The following RNF213 variants were observed in gnomAD, a reference collection of about 807,000 sequenced individuals.
The protein encoded by RNF213 is ring finger protein 213, also known as E3 ubiquitin-protein ligase RNF213.
A neutral mutation model predicts 514.4 loss-of-function variants in RNF213; 341 were observed. The ratio of observed to expected loss-of-function variants is 0.66; its 90% CI spans 0.61 to 0.73. RNF213 has a LOEUF of 0.73. Among genes scored for constraint, RNF213 ranks in the 30% least tolerant of loss-of-function variants. RNF213 has a pLI of 0.00. For missense variants in RNF213, 5,767 were observed against 6,615.6 expected (o/e 0.87, Z 4.45); for synonymous variants, 2,655 against 2,658.2 (o/e 1.00, Z 0.04).
intron 32 of RNF213, 69 bp from the exon 33 acceptor site, chr17:80,352,871 C>T: frequency 6.2e-7 from 1 of 1,610,018 alleles, no homozygotes; most frequent in Non-Finnish European, 8.5e-7. Context: ...TGTGCAATGT[C>T]CCTGCTTAGG....
rs1002998591 is a variant in RNF213 at position 80,338,008 on chromosome 17, A to G, written c.4833+11A>G. 3 of 1,537,280 alleles carry G rather than the reference A, an allele frequency of 2.0e-6. No individual in the cohort carries two copies. The highest frequency in any genetic ancestry group is 2.6e-6 in the Non-Finnish European group (3 of 1,146,916). On this transcript the variant is annotated intron_variant, in intron 25 of 67. Coordinates refer to ENST00000582970, the MANE Select transcript of RNF213 (RefSeq NM_001256071.3). ...GAGAGGTTTTCAGAGGTGAGGGCGC[A>G]TCTTTGCAGTGGCGCTAAGCTGGTG...
rs758812497 is a variant in RNF213 at position 80,346,802 on chromosome 17, C to A, written c.8467C>A (p.Arg2823=). Residue 2823 remains arginine (R), a synonymous_variant, in exon 29 of 68, where the codon CGG becomes AGG. Transcript: ENST00000582970. The surrounding 1 kb of genome is among the most constrained non-coding windows in gnomAD (Gnocchi z 8.1). ...CCCACAGGGCATCATCAGCACCTTC[C>A]GGCAGTGCGCCCGCTTTCAGCAGGG... The part of the protein sequence containing the change: ...STPQGIISTF[R]QCARFQQGKD... 1.2e-6 allele frequency: 2 copies of A among 1,614,084 alleles called. No individual in the cohort carries two copies. The highest frequency in any genetic ancestry group is 3.3e-5 in the Admixed American group (2 of 60,028).
At chr17:80,265,311 T>G (rs913478153) in intron 2 of RNF213, among the ~76,000 whole-genome samples, 2 of 152,198 alleles carry the variant, frequency 1.3e-5, no homozygotes, top group Non-Finnish European at 2.9e-5. Context: ...CCTCACAAAG[T>G]GCTGGGATTA....
Position 80,383,086 on chromosome 17 carries a change from T to A in RNF213, c.14070+16T>A. The stretch of plus-strand genomic sequence containing the variant: ...TGAACTGGAGGTAAGCAGTAAGTGC[T>A]GACAGCTGGGTTGCTCCTCGGTCCA... On this transcript the variant is annotated intron_variant, in intron 58 of 67. Transcript: ENST00000582970. 6.3e-7 allele frequency: 1 copy of A among 1,587,592 alleles called. No homozygotes were observed. The highest frequency in any genetic ancestry group is 8.7e-7 in the Non-Finnish European group (1 of 1,155,960).
In RNF213 at chr17:80,347,002, T is replaced by C. The variant is rs142184116; in HGVS notation, c.8667T>C (p.Leu2889=). 3.7e-6 allele frequency: 6 copies of C among 1,613,732 alleles called. No homozygotes were observed. Among genetic ancestry groups the C allele is most frequent in the Non-Finnish European group, 5.1e-6 (6 of 1,179,910 alleles). Residue 2889 remains leucine (L), a synonymous_variant, in exon 29 of 68, where the codon CTT becomes CTC. Coordinates refer to ENST00000582970, the MANE Select transcript of RNF213 (RefSeq NM_001256071.3). The surrounding 1 kb of genome is among the most constrained non-coding windows in gnomAD (Gnocchi z 7.2). ...VGFVGISNWA[L]DPAKMNRGIF... ...TCGTGGGCATCTCCAACTGGGCCCTTGACCCTGCCAAGATGAACCGGGGCA... is the reference window on the plus strand; with the variant it reads ...TCGTGGGCATCTCCAACTGGGCCCTCGACCCTGCCAAGATGAACCGGGGCA...
At position 80,372,619 on chromosome 17, in the gene RNF213, C is replaced by A; in HGVS notation, c.12636C>A (p.Ser4212Arg). 1 of 1,614,060 alleles carries A rather than the reference C, an allele frequency of 6.2e-7. No individual in the cohort carries two copies. The highest frequency in any genetic ancestry group is 8.5e-7 in the Non-Finnish European group (1 of 1,180,004). Reference protein sequence around the residue: ...GRFLKAYSPASRGREPANEAS... With the variant: ...GRFLKAYSPARRGREPANEAS... ...TCCTTAAGGCATATTCTCCAGCAAG[C>A]CGGGGCCGAGAGCCTGCCAACGAGG... Residue 4212 changes from serine (S) to arginine (R), a missense_variant, in exon 48 of 68, where the codon AGC becomes AGA. Ser to Arg is a moderately radical substitution (Grantham distance 110, BLOSUM62 -1). Transcript: ENST00000582970.
At chr17:80,324,625 T>C (rs2046231182) in intron 17 of RNF213, among the ~76,000 whole-genome samples, 1 of 152,208 alleles carries the variant, frequency 6.6e-6, no homozygotes, top group African/African-American at 2.4e-5. Context: ...TTAAAATGTA[T>C]ATGTTGTTTG....
intron 26 of RNF213, chr17:80,342,136 C>T (rs1473793806): frequency 6.6e-6 from 1 of 152,330 alleles, no homozygotes; most frequent in Non-Finnish European, 1.5e-5. Context: ...CCCCGTGTCA[C>T]AGCTCCCCAC....
chr17:80,329,779 C>T (rs536375713), intron 20 of RNF213, among the ~76,000 whole-genome samples: 3 of 152,096 alleles, frequency 2.0e-5, no homozygotes, highest in South Asian at 4.1e-4. Flanking sequence ...TGCAGTGAGC[C>T]GAAATCACGC....
In RNF213 at chr17:80,371,617, G is replaced by A. The variant is rs564394420; in HGVS notation, c.12426-257G>A. 4.5e-5 allele frequency: 14 copies of A among 312,022 alleles called. No individual in the cohort carries two copies. The East Asian group carries it at 7.9e-4, about 18-fold the overall frequency. 19.3% of individuals were successfully genotyped at this position (312,022 alleles called of 1,614,324 possible). A position where few individuals can be genotyped will look rare whatever the true frequency, so the allele number is the denominator to read the frequency against. The stretch of plus-strand genomic sequence containing the variant: ...AATATAACCCACATAAAAGCTCTTC[G>A]GGGTTCTCAATTTTTAAGACTATAA... On this transcript the variant is annotated intron_variant, in intron 46 of 67. Coordinates refer to ENST00000582970, the MANE Select transcript of RNF213 (RefSeq NM_001256071.3).
chr17:80,313,825 TGGTGGAGGTGATGGTGGAGGTACTGGA>T (rs2045689525), intron 15 of RNF213, among the ~76,000 whole-genome samples: 1 of 101,450 alleles, frequency 9.9e-6, no homozygotes, highest in African/African-American at 4.1e-5. Context: ...GTGATGGTGG[TGGTGGAGGTGATGGTGGAGGTACTGGA>T]GGTGATGGTG....
rs755043029 is a variant in RNF213 at position 80,363,582 on chromosome 17, G to C, written c.11569-27G>C. 3 of 1,611,696 alleles carry C rather than the reference G, an allele frequency of 1.9e-6. No homozygotes were observed. In the African/African-American group the frequency reaches 4.0e-5, roughly 22 times the overall value. The stretch of plus-strand genomic sequence containing the variant: ...GGGCCGGTGGGAGGGGCACCGCTCA[G>C]CCACGCCCTGCTGTCCGTCTCCCCA... On this transcript the variant is annotated intron_variant, in intron 40 of 67. Coordinates refer to ENST00000582970, the MANE Select transcript of RNF213 (RefSeq NM_001256071.3).
rs369783438 is a variant in RNF213 at position 80,386,440 on chromosome 17, C to A, written c.14720+10C>A. On this transcript the variant is annotated intron_variant, in intron 62 of 67. Coordinates refer to ENST00000582970, the MANE Select transcript of RNF213 (RefSeq NM_001256071.3). The stretch of plus-strand genomic sequence containing the variant: ...CCAAGGAAAACAACAGGTTTGTGCA[C>A]GAGCCACCAGGAAGTGGTGCCTGCT... 3.1e-6 allele frequency: 5 copies of A among 1,613,704 alleles called. No individual in the cohort carries two copies. Among genetic ancestry groups the A allele is most frequent in the Middle Eastern group, 1.6e-4 (1 of 6,062 alleles).
chr17:80,369,870 A>G lies in RNF213; in HGVS notation c.12425+3A>G. On this transcript the variant is annotated splice_donor_region_variant and intron_variant, in intron 46 of 67. Transcript: ENST00000582970. ...CTGAAACTGCTTTTGAAGTACAGGTAAGAACAACATGGAGACTTGCTTCTG... is the reference window on the plus strand; with the variant it reads ...CTGAAACTGCTTTTGAAGTACAGGTGAGAACAACATGGAGACTTGCTTCTG... 1 of 1,587,822 alleles carries G rather than the reference A, an allele frequency of 6.3e-7. No individual in the cohort carries two copies. The highest frequency in any genetic ancestry group is 8.6e-7 in the Non-Finnish European group (1 of 1,156,316).
At chr17:80,324,991 A>G (rs764649476) in intron 17 of RNF213, 39 bp from the exon 18 acceptor site, 1 of 1,524,608 alleles carries the variant, frequency 6.6e-7, no homozygotes, top group South Asian at 1.2e-5. Flanking sequence ...AACTAATGAA[A>G]AACTTCTAAA....
Position 80,334,249 on chromosome 17 carries a change from T to C in RNF213, c.4288T>C (p.Trp1430Arg), listed in dbSNP as rs1273493081. 1 of 1,536,994 alleles carries C rather than the reference T, an allele frequency of 6.5e-7. No individual in the cohort carries two copies. ...GTCCCTGAGAAAGGAGTTCATCTGC[T>C]GGGTCCGGGAGGCTCTTGGAGGTAA... ...ALSLRKEFIC[W>R]VREALGGINE... The change falls in exon 22 of 68, where the codon TGG becomes CGG. Residue 1430 changes from tryptophan (W) to arginine (R), a missense_variant. By Grantham distance (101) the Trp-to-Arg change is moderately radical. Transcript: ENST00000582970.
In RNF213 at chr17:80,311,411, G is replaced by C. The variant is rs77357854; in HGVS notation, c.2656-1601G>C. On this transcript the variant is annotated intron_variant, in intron 14 of 67. Coordinates refer to ENST00000582970, the MANE Select transcript of RNF213 (RefSeq NM_001256071.3). ...ATTGGCCATCGCTGTCCAGCCCTGT[G>C]CTGCTGGATTGTTCTAGAAGGAGCT... Among the ~76,000 whole-genome samples the C allele has an allele frequency of 5.3e-3, 814 of 152,276 alleles. 6 individuals are homozygous for C. Among genetic ancestry groups the C allele is most frequent in the African/African-American group, 0.019 (791 of 41,548 alleles).
rs758161641 is a variant in RNF213 at position 80,301,772 on chromosome 17, A to G, written c.2210+3254A>G. ...AATAGAACTACTGTATGATCCAGCAATCGTACTGCTGGGGATATATCCAAA... is the reference window on the plus strand; with the variant it reads ...AATAGAACTACTGTATGATCCAGCAGTCGTACTGCTGGGGATATATCCAAA... On this transcript the variant is annotated intron_variant, in intron 11 of 67. Coordinates refer to ENST00000582970, the MANE Select transcript of RNF213 (RefSeq NM_001256071.3). 2.6e-5 allele frequency among the ~76,000 whole-genome samples: 4 copies of G among 152,342 alleles called. No individual in the cohort carries two copies. In the South Asian group the frequency reaches 8.3e-4, roughly 32 times the overall value.
intron 5 of RNF213, among the ~76,000 whole-genome samples, chr17:80,289,186 A>G (rs1392653530): frequency 1.3e-5 from 2 of 152,106 alleles, no homozygotes; most frequent in African/African-American, 4.8e-5. Context: ...GGCTGGAGAG[A>G]GGCGCCTCTG....
Sources: allele counts gnomAD v4.1 joint callset (sites outside exome capture counted in the v4.1 genomes callset), GRCh38; gene constraint gnomAD v4.1.1; non-coding constraint Gnocchi (gnomAD v3.1); transcripts MANE v1.5; gene names NCBI Gene and HGNC (gene_info 2026-07-23, HGNC 2026-07-21).